The following SCYL2 variants were observed in gnomAD, a reference collection of about 807,000 sequenced individuals.
SCYL2 encodes SCY1-like protein 2.
In SCYL2, 36 loss-of-function variants were observed where a neutral mutation model predicts 100.4. That is an observed-to-expected ratio of 0.36 (90% CI 0.27 to 0.47). SCYL2 has a LOEUF of 0.47. SCYL2 is among the 20% of genes least tolerant of loss of function. The probability of loss-of-function intolerance (pLI) is 1.00; values close to 1 mark genes in which losing one functional copy is unlikely to be tolerated. For missense variants in SCYL2, 902 were observed against 1,083.9 expected, an observed-to-expected ratio of 0.83 and a Z score of 2.36; for synonymous variants, 330 against 359.2, an observed-to-expected ratio of 0.92 and a Z score of 0.92.
intron 10 of SCYL2, chr12:100,319,079 T>C: frequency 3.1e-6 from 1 of 321,374 alleles, no homozygotes; most frequent in Non-Finnish European, 6.1e-6. Context: ...AGGATTTTTT[T>C]AAGTTATTTA....
intron 13 of SCYL2, among the ~76,000 whole-genome samples, chr12:100,330,037 T>G (rs1466542836): frequency 6.6e-6 from 1 of 152,176 alleles, no homozygotes; most frequent in Non-Finnish European, 1.5e-5. Context: ...TGTGCCATAG[T>G]CTGTTGCTTT....
chr12:100,323,682 A>C (rs767052261), intron 11 of SCYL2, 44 bp downstream of exon 11: 16 of 1,000,332 alleles, frequency 1.6e-5, no homozygotes. Context: ...TTCACTTGTC[A>C]GTGCTTTAAA....
intron 4 of SCYL2, among the ~76,000 whole-genome samples, chr12:100,308,758 A>C (rs2096338011): frequency 6.6e-6 from 1 of 151,922 alleles, no homozygotes; most frequent in African/African-American, 2.4e-5. Flanking sequence ...CTGCCAAGAA[A>C]CTCCAGTTCT....
chr12:100,298,773 G>C (rs1475522186), intron 4 of SCYL2, among the ~76,000 whole-genome samples: 1 of 152,068 alleles, frequency 6.6e-6, no homozygotes, highest in Non-Finnish European at 1.5e-5. Flanking sequence ...TGATAGAGAT[G>C]GGGTTTCATC....
At chr12:100,322,574 T>A (rs2096357335) in intron 10 of SCYL2, among the ~76,000 whole-genome samples, 1 of 151,838 alleles carries the variant, frequency 6.6e-6, no homozygotes, top group Non-Finnish European at 1.5e-5. Flanking sequence ...CTGGGAAACA[T>A]AGTGAGACCT....
chr12:100,274,604 A>G (rs1287289209), intron 1 of SCYL2, among the ~76,000 whole-genome samples: 22 of 152,190 alleles, frequency 1.4e-4, no homozygotes, highest in Admixed American at 1.4e-3. Flanking sequence ...AATTAAATCT[A>G]CAGATTGCAT....
At chr12:100,323,035 A>G (rs1345680751) in intron 10 of SCYL2, among the ~76,000 whole-genome samples, 1 of 151,842 alleles carries the variant, frequency 6.6e-6, no homozygotes, top group East Asian at 1.9e-4. Flanking sequence ...CTCAAGAAAA[A>G]AAAAAAAAAA....
intron 1 of SCYL2, among the ~76,000 whole-genome samples, chr12:100,281,649 C>T (rs549521248): frequency 6.6e-6 from 1 of 152,198 alleles, no homozygotes; most frequent in South Asian, 2.1e-4. Context: ...CTGGCTAACA[C>T]GGTGAAACCC....
Position 100,339,251 on chromosome 12 carries a change from T to A in SCYL2, c.*79T>A. 1.4e-6 allele frequency: 2 copies of A among 1,382,894 alleles called. No homozygotes were observed. Among genetic ancestry groups the A allele is most frequent in the Non-Finnish European group, 2.0e-6 (2 of 1,012,718 alleles). 85.7% of individuals were successfully genotyped at this position (1,382,894 alleles called of 1,614,324 possible). A position where few individuals can be genotyped will look rare whatever the true frequency, so the allele number is the denominator to read the frequency against. On this transcript the variant is annotated 3_prime_UTR_variant, in exon 18 of 18. Coordinates refer to ENST00000360820, the MANE Select transcript of SCYL2 (RefSeq NM_017988.6). Reference sequence around the variant, plus strand: ...GATTTACATCTTTATATAGTTGGCTTGGAGGAAGTACTTCTATGGGAAAGT... The same window carrying A: ...GATTTACATCTTTATATAGTTGGCTAGGAGGAAGTACTTCTATGGGAAAGT...
At chr12:100,311,444 T>C (rs78364960) in intron 5 of SCYL2, among the ~76,000 whole-genome samples, 10 of 152,240 alleles carry the variant, frequency 6.6e-5, no homozygotes, top group East Asian at 1.9e-4. Flanking sequence ...TTTTTTTTTT[T>C]CCTCAGGATG....
rs77967337 is a variant in SCYL2 at position 100,276,613 on chromosome 12, C to T, written c.-28-6330C>T. Among the ~76,000 whole-genome samples, 857 of 152,288 alleles carry T rather than the reference C, an allele frequency of 5.6e-3. 8 individuals carry two copies. Among genetic ancestry groups the T allele is most frequent in the African/African-American group, 0.02 (818 of 41,572 alleles). On this transcript the variant is annotated intron_variant, in intron 1 of 17. Coordinates refer to ENST00000360820, the MANE Select transcript of SCYL2 (RefSeq NM_017988.6). Reference sequence around the variant, plus strand: ...TTAGTGTCCCAGAGTGTTGGGATTACAAGCATGAGTCATTGCACCTTGCTA... The same window carrying T: ...TTAGTGTCCCAGAGTGTTGGGATTATAAGCATGAGTCATTGCACCTTGCTA...
chr12:100,327,436 G>C (rs1952144006), intron 12 of SCYL2, among the ~76,000 whole-genome samples: 1 of 152,060 alleles, frequency 6.6e-6, no homozygotes, highest in South Asian at 2.1e-4. Context: ...GGGGTCTGCT[G>C]CACTAATAAA....
intron 1 of SCYL2, among the ~76,000 whole-genome samples, chr12:100,270,234 G>T (rs1382349653): frequency 6.6e-6 from 1 of 152,180 alleles, no homozygotes; most frequent in African/African-American, 2.4e-5. Context: ...TGATCCACCC[G>T]CCTCGGCTTC....
At chr12:100,325,205 C>T (rs1009968957) in intron 11 of SCYL2, among the ~76,000 whole-genome samples, 5 of 151,948 alleles carry the variant, frequency 3.3e-5, no homozygotes, top group South Asian at 2.1e-4. Flanking sequence ...CTCCCCACCC[C>T]GCCCAAAAAA....
chr12:100,270,211 C>T (rs2096286106), intron 1 of SCYL2, among the ~76,000 whole-genome samples: 1 of 152,144 alleles, frequency 6.6e-6, no homozygotes, highest in African/African-American at 2.4e-5. Context: ...GGGTCTCGAT[C>T]TCCTGACCCT....
chr12:100,315,419 G>T, intron 8 of SCYL2, 139 bp from the exon 9 acceptor site: 1 of 643,766 alleles, frequency 1.6e-6, no homozygotes, highest in Non-Finnish European at 2.4e-6. Context: ...ACTTTACTCT[G>T]AAAATATACC....
intron 1 of SCYL2, among the ~76,000 whole-genome samples, chr12:100,268,955 A>G (rs960667892): frequency 7.9e-5 from 12 of 152,168 alleles, no homozygotes; most frequent in African/African-American, 2.7e-4. Flanking sequence ...CGTCTGTAAC[A>G]GTAGTCCTGT....
intron 4 of SCYL2, among the ~76,000 whole-genome samples, chr12:100,304,222 C>T (rs1347993792): frequency 6.6e-6 from 1 of 152,060 alleles, no homozygotes; most frequent in Non-Finnish European, 1.5e-5. Context: ...CTGAGCAAGA[C>T]CACTTGGTTC....
chr12:100,302,896 C>T (rs1158165142), intron 4 of SCYL2, among the ~76,000 whole-genome samples: 2 of 152,112 alleles, frequency 1.3e-5, no homozygotes, highest in African/African-American at 2.4e-5. Context: ...ACCAGTCAAA[C>T]GGAGGTTTGG....
Sources: allele counts gnomAD v4.1 joint callset (sites outside exome capture counted in the v4.1 genomes callset), GRCh38; gene constraint gnomAD v4.1.1; transcripts MANE v1.5; gene names NCBI Gene and HGNC (gene_info 2026-07-23, HGNC 2026-07-21).